ZFHX3: variants seen among roughly 807,000 people sequenced by gnomAD.
ZFHX3 encodes the protein zinc finger homeobox 3.
A neutral mutation model predicts 279.1 loss-of-function variants in ZFHX3; 42 were observed. That is an observed-to-expected ratio of 0.15 (90% CI 0.12 to 0.19). ZFHX3 has a LOEUF of 0.19. Ranked by LOEUF, ZFHX3 falls within the 10% of genes least tolerant of loss-of-function variation. The probability of loss-of-function intolerance (pLI) is 1.00; values close to 1 mark genes in which losing one functional copy is unlikely to be tolerated. For missense variants in ZFHX3, 4,981 were observed against 4,754.0 expected, an observed-to-expected ratio of 1.05 and a Z score of -1.40; for synonymous variants, 2,293 against 1,957.8, an observed-to-expected ratio of 1.17 and a Z score of -4.52.
At chr16:72,999,746 CCACA>C (rs1442714522) in intron 1 of ZFHX3, among the ~76,000 whole-genome samples, 2 of 152,104 alleles carry the variant, frequency 1.3e-5, no homozygotes, top group East Asian at 3.9e-4. Flanking sequence ...GCCCACGAGA[CCACA>C]CACACTTTGG....
chr16:72,826,727 A>G (rs529177341), intron 5 of ZFHX3, among the ~76,000 whole-genome samples: 4 of 152,338 alleles, frequency 2.6e-5, no homozygotes, highest in African/African-American at 9.6e-5. Context: ...GGCAAGGTGC[A>G]TCTCTGAGTT....
At chr16:73,308,456 A>G (rs1428637864) in intron 4 of ZFHX3, among the ~76,000 whole-genome samples, 1 of 151,320 alleles carries the variant, frequency 6.6e-6, no homozygotes, top group African/African-American at 2.4e-5. Context: ...ATGCCTGGCT[A>G]ATTTTTGTAA....
intron 2 of ZFHX3, among the ~76,000 whole-genome samples, chr16:73,505,530 G>A (rs55743898): frequency 0.044 from 6,584 of 151,256 alleles, 219 homozygotes; most frequent in Middle Eastern, 0.068. Flanking sequence ...ACTCTTAGGC[G>A]ATGACTAAAG....
chr16:73,788,097 G>A (rs1382578099), intron 1 of ZFHX3, among the ~76,000 whole-genome samples: 1 of 152,128 alleles, frequency 6.6e-6, no homozygotes, highest in Non-Finnish European at 1.5e-5. Flanking sequence ...ATCTGAAGGT[G>A]CCACCAGAAC....
chr16:72,828,964 T>A (rs2036997744), intron 5 of ZFHX3, among the ~76,000 whole-genome samples: 1 of 151,806 alleles, frequency 6.6e-6, no homozygotes, highest in African/African-American at 2.4e-5. Context: ...GTGCTGGGAT[T>A]ACAGGCGTGA....
intron 3 of ZFHX3, among the ~76,000 whole-genome samples, chr16:73,406,896 G>A (rs769636537): frequency 7.9e-5 from 12 of 152,104 alleles, no homozygotes; most frequent in Admixed American, 1.3e-4. Context: ...ATTATCTGGC[G>A]ACATTCCCAT....
intron 5 of ZFHX3, among the ~76,000 whole-genome samples, chr16:73,203,746 G>C (rs575273589): frequency 5.6e-4 from 86 of 152,348 alleles, no homozygotes; most frequent in Non-Finnish European, 6.3e-4. Flanking sequence ...ACTTACTGCA[G>C]TATATAGGCT....
chr16:73,785,070 C>T (rs936650573), intron 1 of ZFHX3, among the ~76,000 whole-genome samples: 5 of 152,044 alleles, frequency 3.3e-5, no homozygotes, highest in Non-Finnish European at 5.9e-5. Flanking sequence ...AACGAGGATT[C>T]AAATCTCTTA....
At chr16:73,104,292 GC>G (rs1966267488) in intron 7 of ZFHX3, among the ~76,000 whole-genome samples, 2 of 151,988 alleles carry the variant, frequency 1.3e-5, no homozygotes, top group African/African-American at 4.8e-5. Flanking sequence ...GTGCAGTAGC[GC>G]GATCTTAGTT....
At chr16:73,475,718 A>T (rs1018822884) in intron 2 of ZFHX3, among the ~76,000 whole-genome samples, 2 of 152,128 alleles carry the variant, frequency 1.3e-5, no homozygotes, top group African/African-American at 4.8e-5. Context: ...AGTTACTGAG[A>T]TGTCTTATAA....
chr16:73,676,517 A>G (rs1002355975), intron 2 of ZFHX3, among the ~76,000 whole-genome samples: 2 of 152,050 alleles, frequency 1.3e-5, no homozygotes, highest in Non-Finnish European at 2.9e-5. Flanking sequence ...AATACTAACA[A>G]AGAACCATAC....
chr16:73,868,783 C>G (rs562608450), intron 1 of ZFHX3, among the ~76,000 whole-genome samples: 3 of 151,772 alleles, frequency 2.0e-5, no homozygotes, highest in Non-Finnish European at 4.4e-5. Flanking sequence ...TTCTTTCTTT[C>G]TTTTTTTAAT....
intron 1 of ZFHX3, among the ~76,000 whole-genome samples, chr16:73,687,026 A>T (rs1195888909): frequency 5.9e-5 from 2 of 34,144 alleles, no homozygotes; most frequent in South Asian, 1.1e-3. Flanking sequence ...ATATATATAT[A>T]TATATATATA....
chr16:73,613,756 G>A (rs1422778770), intron 2 of ZFHX3, among the ~76,000 whole-genome samples: 1 of 152,162 alleles, frequency 6.6e-6, no homozygotes, highest in South Asian at 2.1e-4. Flanking sequence ...TGGTGCTCAG[G>A]ATTGGTGCCG....
At chr16:73,415,236 T>C (rs1384673730) in intron 3 of ZFHX3, among the ~76,000 whole-genome samples, 1 of 152,258 alleles carries the variant, frequency 6.6e-6, no homozygotes, top group Non-Finnish European at 1.5e-5. Context: ...GAAGTGGTTC[T>C]GGGCTGCAAA....
At chr16:73,631,927 T>TCACACACA (rs60955432) in intron 2 of ZFHX3, among the ~76,000 whole-genome samples, 2 of 136,728 alleles carry the variant, frequency 1.5e-5, no homozygotes, top group African/African-American at 5.8e-5. Context: ...TCTCTCTCTC[T>TCACACACA]CACACACACA....
chr16:73,332,459 G>C (rs563995911), intron 3 of ZFHX3, among the ~76,000 whole-genome samples: 1 of 152,206 alleles, frequency 6.6e-6, no homozygotes, highest in East Asian at 1.9e-4. Flanking sequence ...AGCACCTGGA[G>C]TTACAGAGGG....
At position 73,738,363 on chromosome 16, in the gene ZFHX3, A is replaced by T. The variant is rs1279054454; in HGVS notation, c.-1607-58123T>A. Among the ~76,000 whole-genome samples, 3 of 152,234 alleles carry T rather than the reference A, an allele frequency of 2.0e-5. No individual in the cohort carries two copies. The East Asian group carries it at 5.8e-4, about 29-fold the overall frequency. ...ACACATCTAAGCAAAGCAAGCAGCA[A>T]GATCACTGCGACTAAAATGAGCTGA... On this transcript the variant is annotated intron_variant, in intron 1 of 17. Transcript: ENST00000641206.
chr16:73,421,869 A>T (rs1384376413), intron 3 of ZFHX3, among the ~76,000 whole-genome samples: 1 of 152,150 alleles, frequency 6.6e-6, no homozygotes, highest in South Asian at 2.1e-4. Flanking sequence ...TTGACTTATA[A>T]TGAGGGAATA....
Sources: gnomAD v4.1 joint callset for allele counts (sites outside exome capture counted in the v4.1 genomes callset) on GRCh38, gnomAD v4.1.1 for gene constraint, MANE v1.5 for transcripts, NCBI Gene and HGNC (gene_info 2026-07-23, HGNC 2026-07-21) for gene names.